The following EXOC4 variants were observed in gnomAD, a reference collection of about 807,000 sequenced individuals.
EXOC4 encodes SEC8-like 1.
A neutral mutation model predicts 107.2 loss-of-function variants in EXOC4; 71 were observed. The observed-to-expected ratio is 0.66, with a 90% CI of 0.55 to 0.81. The LOEUF is 0.81. Ranked by LOEUF, EXOC4 falls within the 30% of genes least tolerant of loss-of-function variation. EXOC4 has a pLI of 0.00. For synonymous variants in EXOC4, 456 were observed against 441.2 expected (o/e 1.03, Z -0.42); for missense variants, 1,108 against 1,189.6 (o/e 0.93, Z 1.01).
chr7:133,516,758 A>ATTTTTTTTTTTTTTTT (rs780319592), intron 9 of EXOC4, among the ~76,000 whole-genome samples: 4,531 of 48,846 alleles, frequency 0.093, 1,151 homozygotes, highest in South Asian at 0.18. Flanking sequence ...CTAGCTGCTC[A>ATTTTTTTTTTTTTTTT]TTTTTTTTTT....
intron 9 of EXOC4, among the ~76,000 whole-genome samples, chr7:133,495,904 A>G (rs1799468234): frequency 6.6e-6 from 1 of 152,222 alleles, no homozygotes; most frequent in Non-Finnish European, 1.5e-5. Flanking sequence ...ATAGAAATTG[A>G]TAAGAAATTG....
chr7:133,430,820 T>G (rs901466699), intron 7 of EXOC4, among the ~76,000 whole-genome samples: 2 of 152,178 alleles, frequency 1.3e-5, no homozygotes, highest in African/African-American at 4.8e-5. Flanking sequence ...TCATCTATAC[T>G]GGAATGAGTT....
intron 10 of EXOC4, among the ~76,000 whole-genome samples, chr7:133,807,536 T>C (rs1797108311): frequency 6.6e-6 from 1 of 152,124 alleles, no homozygotes; most frequent in African/African-American, 2.4e-5. Flanking sequence ...GTATGATGGA[T>C]ATTTTGAATA....
intron 17 of EXOC4, among the ~76,000 whole-genome samples, chr7:134,053,344 C>T (rs1305098392): frequency 6.6e-6 from 1 of 151,934 alleles, no homozygotes; most frequent in Non-Finnish European, 1.5e-5. Flanking sequence ...TACATTCTTA[C>T]TCTGTCTAGC....
chr7:133,650,728 C>T (rs973152659), intron 10 of EXOC4, among the ~76,000 whole-genome samples: 1 of 152,054 alleles, frequency 6.6e-6, no homozygotes, highest in Non-Finnish European at 1.5e-5. Flanking sequence ...GAGGAGTGGT[C>T]TCATCATAAG....
chr7:133,930,270 C>T (rs1030756958), intron 13 of EXOC4, among the ~76,000 whole-genome samples: 5 of 152,104 alleles, frequency 3.3e-5, no homozygotes, highest in East Asian at 1.9e-4. Context: ...GAAGTCCTAG[C>T]GCCTAAAGAA....
At chr7:133,306,273 G>T (rs531977312) in intron 4 of EXOC4, among the ~76,000 whole-genome samples, 19 of 152,176 alleles carry the variant, frequency 1.2e-4, no homozygotes, top group Middle Eastern at 3.4e-3. Context: ...ATTTATTATG[G>T]TCCTTTTCTG....
At chr7:133,966,932 T>C (rs747355032) in intron 14 of EXOC4, among the ~76,000 whole-genome samples, 47 of 152,338 alleles carry the variant, frequency 3.1e-4, no homozygotes, top group Non-Finnish European at 5.7e-4. Flanking sequence ...TCTGGTGGAA[T>C]TCAGCTGTGA....
intron 11 of EXOC4, among the ~76,000 whole-genome samples, chr7:133,892,744 G>C (rs1405202800): frequency 8.1e-6 from 1 of 123,630 alleles, no homozygotes; most frequent in Admixed American, 7.6e-5. Context: ...CTTTGAGTGA[G>C]AGTCTTAATC....
intron 12 of EXOC4, among the ~76,000 whole-genome samples, chr7:133,901,580 C>G (rs534342044): frequency 1.3e-5 from 2 of 152,284 alleles, no homozygotes; most frequent in Middle Eastern, 6.8e-3. Context: ...AATAATAGTC[C>G]TTTCCTCAAA....
At chr7:133,721,236 AT>A (rs1274472835) in intron 10 of EXOC4, among the ~76,000 whole-genome samples, 2 of 152,176 alleles carry the variant, frequency 1.3e-5, no homozygotes, top group African/African-American at 2.4e-5. Flanking sequence ...TTACCTTGCA[AT>A]TTACTATTTC....
intron 15 of EXOC4, among the ~76,000 whole-genome samples, chr7:133,998,828 AC>A (rs1794459504): frequency 6.6e-6 from 1 of 152,206 alleles, no homozygotes; most frequent in Non-Finnish European, 1.5e-5. Flanking sequence ...CCAGTTGAAA[AC>A]AACTCTGAGC....
intron 8 of EXOC4, among the ~76,000 whole-genome samples, chr7:133,475,883 A>C (rs748504520): frequency 6.6e-6 from 1 of 152,174 alleles, no homozygotes; most frequent in African/African-American, 2.4e-5. Flanking sequence ...ATTGGGCCTT[A>C]TGTGGTTACT....
At chr7:133,786,792 G>C (rs1351859711) in intron 10 of EXOC4, among the ~76,000 whole-genome samples, 1 of 152,290 alleles carries the variant, frequency 6.6e-6, no homozygotes, top group African/African-American at 2.4e-5. Context: ...GAAGACTTAT[G>C]GTTTAAGTAT....
At chr7:133,996,055 A>T (rs1403954411) in intron 14 of EXOC4, among the ~76,000 whole-genome samples, 1 of 152,202 alleles carries the variant, frequency 6.6e-6, no homozygotes, top group Non-Finnish European at 1.5e-5. Flanking sequence ...TTGAATAAAG[A>T]TTGATGGAAT....
chr7:133,792,622 G>A (rs1242491114), intron 10 of EXOC4, among the ~76,000 whole-genome samples: 1 of 129,166 alleles, frequency 7.7e-6, no homozygotes, highest in African/African-American at 2.9e-5. Context: ...TACAACTAAG[G>A]CATTTTCATT....
At chr7:133,519,276 G>A (rs1050145028) in intron 9 of EXOC4, among the ~76,000 whole-genome samples, 5 of 151,960 alleles carry the variant, frequency 3.3e-5, no homozygotes, top group East Asian at 1.9e-4. Context: ...TTAGCTTGGC[G>A]TGGTGGCATA....
chr7:133,755,003 A>G (rs950554114), intron 10 of EXOC4, among the ~76,000 whole-genome samples: 1 of 151,610 alleles, frequency 6.6e-6, no homozygotes, highest in Non-Finnish European at 1.5e-5. Context: ...CTTGCCAGAA[A>G]TGTTGACCCT....
At chr7:133,533,331 G>A (rs567321500) in intron 9 of EXOC4, among the ~76,000 whole-genome samples, 17 of 152,124 alleles carry the variant, frequency 1.1e-4, no homozygotes, top group South Asian at 4.2e-4. Context: ...CTCTATAAAC[G>A]CTTGTGTTGA....
Sources: allele counts gnomAD v4.1 joint callset (sites outside exome capture counted in the v4.1 genomes callset), GRCh38; gene constraint gnomAD v4.1.1; transcripts MANE v1.5; gene names NCBI Gene and HGNC (gene_info 2026-07-23, HGNC 2026-07-21).